The following KLHL42 variants were observed in gnomAD, a reference collection of about 807,000 sequenced individuals.
KLHL42 encodes kelch-like protein 42.
KLHL42 carries 27 observed loss-of-function variants against 32.7 expected under a neutral mutation model. The ratio of observed to expected loss-of-function variants is 0.83; its 90% confidence interval spans 0.61 to 1.14. The LOEUF (loss-of-function observed/expected upper bound fraction) is 1.14. Among genes scored for constraint, KLHL42 ranks in the 50% most tolerant of loss-of-function variants. The pLI, the probability that KLHL42 is intolerant of heterozygous loss-of-function variation, is 0.00. For synonymous variants in KLHL42, 267 were observed against 248.2 expected, an observed-to-expected ratio of 1.08 and a Z score of -0.71; for missense variants, 491 against 560.8, an observed-to-expected ratio of 0.88 and a Z score of 1.26.
rs562191574 is a variant in KLHL42, at chr12:27,785,246, C to CT, written c.872+4045dup. On this transcript the variant is annotated intron_variant, in intron 1 of 2. Transcript: ENST00000381271. ...ATGGGGTCTTGCTTTGTCACCCAGG[C>CT]TGGAGTACAGTGGTGTGATCATAAC... Among the ~76,000 whole-genome samples the CT allele has an allele frequency of 1.5e-3, 235 of 152,276 alleles. 1 individual carries two copies. Among genetic ancestry groups the CT allele is most frequent in the African/African-American group, 5.5e-3 (227 of 41,534 alleles).
intron 1 of KLHL42, among the ~76,000 whole-genome samples, chr12:27,781,534 T>TA (rs1235085062): frequency 1.3e-5 from 2 of 152,218 alleles, no homozygotes; most frequent in Non-Finnish European, 2.9e-5. Context: ...CCTTAATTTT[T>TA]AAAAAATTTG....
At position 27,797,170 on chromosome 12, in the gene KLHL42, C is replaced by G. The variant is rs867619992; in HGVS notation, c.1067-545C>G. On this transcript the variant is annotated intron_variant, in intron 2 of 2. Coordinates refer to ENST00000381271, the MANE Select transcript of KLHL42 (RefSeq NM_020782.2). Reference sequence around the variant, plus strand: ...CTGGAAACTGAATTGCCAAGTGGTTCTGTGGCTTGTTAGAAGGCCGCAGGT... The same window carrying G: ...CTGGAAACTGAATTGCCAAGTGGTTGTGTGGCTTGTTAGAAGGCCGCAGGT... The G allele has an allele frequency of 7.8e-5, 35 of 446,782 alleles. No individual in the cohort carries two copies. The Middle Eastern group carries it at 2.4e-3, about 30-fold the overall frequency. 27.7% of individuals were successfully genotyped at this position (446,782 alleles called of 1,614,324 possible).
chr12:27,781,305 G>C, intron 1 of KLHL42, 103 bp downstream of exon 1: 1 of 1,315,626 alleles, frequency 7.6e-7, no homozygotes. Flanking sequence ...AGGGTGTGCT[G>C]TGGTGGAAAT....
intron 1 of KLHL42, among the ~76,000 whole-genome samples, chr12:27,786,672 T>TGCA (rs1477700390): frequency 6.6e-6 from 1 of 151,284 alleles, no homozygotes; most frequent in East Asian, 1.9e-4. Flanking sequence ...GACTGAATAG[T>TGCA]GCAGTGATCC....
At chr12:27,783,621 G>T (rs895022581) in intron 1 of KLHL42, among the ~76,000 whole-genome samples, 1 of 151,540 alleles carries the variant, frequency 6.6e-6, no homozygotes, top group Admixed American at 6.6e-5. Context: ...TCGCTCTGTC[G>T]CCCAGGCTGG....
Position 27,800,374 on chromosome 12 carries a change from A to ATGTTTGCATATTATAGC in KLHL42, c.*2210_*2226dup, listed in dbSNP as rs2062241096. The ATGTTTGCATATTATAGC allele has an allele frequency of 2.0e-6, 1 of 504,104 alleles. No homozygotes were observed. The highest frequency in any genetic ancestry group is 2.8e-5 in the African/African-American group (1 of 35,490). 31.2% of individuals were successfully genotyped at this position (504,104 alleles called of 1,614,324 possible). A position where few individuals can be genotyped will look rare whatever the true frequency, so the allele number is the denominator to read the frequency against. On this transcript the variant is annotated 3_prime_UTR_variant, in exon 3 of 3. Coordinates refer to ENST00000381271, the MANE Select transcript of KLHL42 (RefSeq NM_020782.2). ...GGGGTGTGTGTGTGTGTGTGTGTGT[A>ATGTTTGCATATTATAGC]TGTTTGCATATTATAGCTCTCTTTA...
intron 2 of KLHL42, among the ~76,000 whole-genome samples, chr12:27,793,524 A>G (rs1474264213): frequency 2.7e-5 from 3 of 110,156 alleles, no homozygotes; most frequent in South Asian, 2.8e-4. Context: ...GCTGGGTGAC[A>G]GAGTGAGACC....
At chr12:27,789,926 CATG>C (rs1388501750) in intron 1 of KLHL42, among the ~76,000 whole-genome samples, 3 of 152,152 alleles carry the variant, frequency 2.0e-5, no homozygotes, top group African/African-American at 7.2e-5. Context: ...TAGATATAAA[CATG>C]ATAGGAACCT....
Position 27,799,829 on chromosome 12 carries a change from C to T in KLHL42, c.*1663C>T. ...TGGACATAGAAACAGATCTTTGTAT[C>T]TTGTCACCAAATAATCTTACCTCTA... On this transcript the variant is annotated 3_prime_UTR_variant, in exon 3 of 3. Coordinates refer to ENST00000381271, the MANE Select transcript of KLHL42 (RefSeq NM_020782.2). The T allele has an allele frequency of 7.9e-6, 2 of 252,674 alleles. No homozygotes were observed. The highest frequency in any genetic ancestry group is 1.3e-5 in the Non-Finnish European group (2 of 159,636). The allele number at this position is 252,674 out of a possible 1,614,324, so 15.7% of individuals were successfully genotyped here.
intron 1 of KLHL42, among the ~76,000 whole-genome samples, chr12:27,785,709 C>T (rs1303007602): frequency 7.9e-5 from 12 of 151,770 alleles, no homozygotes; most frequent in Non-Finnish European, 2.9e-5. Context: ...GTCTCTCTGC[C>T]TTCCGATCAG....
In KLHL42 at chr12:27,798,314, G is replaced by A. The variant is rs1197656797; in HGVS notation, c.*148G>A. ...GTAGCAGCTGTAAATAAGCTTACTT[G>A]AACTAATTACTTGAAAACTGGTGGA... is the stretch of plus-strand genomic sequence containing the variant. On this transcript the variant is annotated 3_prime_UTR_variant, in exon 3 of 3. Coordinates refer to ENST00000381271, the MANE Select transcript of KLHL42 (RefSeq NM_020782.2). 1.8e-6 allele frequency: 1 copy of A among 563,840 alleles called. No homozygotes were observed. Among genetic ancestry groups the A allele is most frequent in the South Asian group, 2.4e-5 (1 of 41,252 alleles). The allele number at this position is 563,840 out of a possible 1,614,324, so 34.9% of individuals were successfully genotyped here. A position where few individuals can be genotyped will look rare whatever the true frequency, so the allele number is the denominator to read the frequency against.
chr12:27,782,147 T>G (rs2062152212), intron 1 of KLHL42, among the ~76,000 whole-genome samples: 1 of 152,182 alleles, frequency 6.6e-6, no homozygotes, highest in African/African-American at 2.4e-5. Context: ...GTCCTGGTCC[T>G]GAAGTGTGGA....
At chr12:27,788,109 G>A (rs1337898364) in intron 1 of KLHL42, 1 of 152,216 alleles carries the variant, frequency 6.6e-6, no homozygotes, top group African/African-American at 2.4e-5. Context: ...GGAGACAAAA[G>A]GACCTGGATG....
At chr12:27,788,712 TA>T (rs1286403143) in intron 1 of KLHL42, among the ~76,000 whole-genome samples, 6 of 152,270 alleles carry the variant, frequency 3.9e-5, no homozygotes, top group Admixed American at 1.3e-4. Context: ...GCTCTCCTTT[TA>T]AAAAAAATTT....
intron 1 of KLHL42, among the ~76,000 whole-genome samples, chr12:27,785,004 G>T (rs1009543836): frequency 8.6e-5 from 13 of 151,990 alleles, no homozygotes; most frequent in African/African-American, 2.9e-4. Flanking sequence ...TTCCCATGCT[G>T]TTATTTTTTC....
intron 1 of KLHL42, 138 bp downstream of exon 1, chr12:27,781,340 C>G: frequency 9.1e-7 from 1 of 1,102,410 alleles, no homozygotes; most frequent in African/African-American, 1.6e-5. Context: ...TGTTGTTGGC[C>G]TTGGCGCTGG....
At chr12:27,789,583 T>G (rs2062187529) in intron 1 of KLHL42, among the ~76,000 whole-genome samples, 1 of 152,190 alleles carries the variant, frequency 6.6e-6, no homozygotes. Flanking sequence ...AAAAACTGTT[T>G]TGATCTTACA....
In KLHL42 at chr12:27,800,412, A is replaced by G; in HGVS notation, c.*2246A>G. On this transcript the variant is annotated 3_prime_UTR_variant, in exon 3 of 3. Coordinates refer to ENST00000381271, the MANE Select transcript of KLHL42 (RefSeq NM_020782.2). Reference sequence around the variant, plus strand: ...ATAGCTCTCTTTAAGACAGACATCTAAAAAGATTTTGGTTATTCTGGGCTG... The same window carrying G: ...ATAGCTCTCTTTAAGACAGACATCTGAAAAGATTTTGGTTATTCTGGGCTG... The G allele has an allele frequency of 1.0e-6, 1 of 983,910 alleles. No homozygotes were observed. Among genetic ancestry groups the G allele is most frequent in the Non-Finnish European group, 1.2e-6 (1 of 828,704 alleles). The allele number at this position is 983,910 out of a possible 1,614,324, so 60.9% of individuals were successfully genotyped here. A position where few individuals can be genotyped will look rare whatever the true frequency, so the allele number is the denominator to read the frequency against.
chr12:27,794,943 G>T (rs1449543933), intron 2 of KLHL42, among the ~76,000 whole-genome samples: 3 of 150,790 alleles, frequency 2.0e-5, no homozygotes, highest in Non-Finnish European at 4.4e-5. Flanking sequence ...AGTAGTCATT[G>T]CTTTGACCTT....
Sources: allele counts gnomAD v4.1 joint callset (sites outside exome capture counted in the v4.1 genomes callset), GRCh38; gene constraint gnomAD v4.1.1; transcripts MANE v1.5; gene names NCBI Gene and HGNC (gene_info 2026-07-23, HGNC 2026-07-21).